The following SAXO1 variants were observed in gnomAD, a reference collection of about 807,000 sequenced individuals.
SAXO1 encodes stabilizer of axonemal microtubules 1.
In SAXO1, 21 loss-of-function variants were observed where a neutral mutation model predicts 17.5. That is an observed-to-expected ratio of 1.20 (90% confidence interval 0.85 to 1.72). SAXO1 has a LOEUF of 1.72. Among genes scored for constraint, SAXO1 ranks in the 40% most tolerant of loss-of-function variants. The pLI, the probability that SAXO1 is intolerant of heterozygous loss-of-function variation, is 0.00. For missense variants in SAXO1, 843 were observed against 596.0 expected (o/e 1.41, Z -4.32); for synonymous variants, 274 against 216.5 (o/e 1.27, Z -2.33).
upstream of SAXO1, among the ~76,000 whole-genome samples, chr9:19,035,808 T>C (rs1024786215): frequency 6.6e-6 from 1 of 152,196 alleles, no homozygotes; most frequent in African/African-American, 2.4e-5. Context: ...TAGAGATCTA[T>C]GGAAGTTTGA....
intron 2 of SAXO1, chr9:18,947,860 T>C (rs547436442): frequency 2.0e-5 from 3 of 152,336 alleles, no homozygotes; most frequent in African/African-American, 7.2e-5. Context: ...GCAGTTATAA[T>C]CATGCCTCAC....
chr9:18,986,348 T>A (rs1833593795), intron 1 of SAXO1, among the ~76,000 whole-genome samples: 1 of 152,260 alleles, frequency 6.6e-6, no homozygotes. Context: ...ACCCTTAGAA[T>A]ATTCCATTGA....
At chr9:18,999,582 G>A (rs1437947221) in intron 1 of SAXO1, among the ~76,000 whole-genome samples, 1 of 148,434 alleles carries the variant, frequency 6.7e-6, no homozygotes, top group Admixed American at 6.7e-5. Flanking sequence ...CACACCATCT[G>A]GGAAGTGAGG....
intron 1 of SAXO1, chr9:19,027,305 C>T (rs917267889): frequency 2.4e-6 from 2 of 830,842 alleles, no homozygotes; most frequent in African/African-American, 3.3e-5. Context: ...TGGGTGTGAA[C>T]AAAGACTCCT....
At chr9:19,032,091 T>C (rs1430212377) in intron 1 of SAXO1, among the ~76,000 whole-genome samples, 2 of 152,138 alleles carry the variant, frequency 1.3e-5, no homozygotes, top group Non-Finnish European at 2.9e-5. Flanking sequence ...TAGTTACCAA[T>C]CTAAGATCCC....
intron 1 of SAXO1, among the ~76,000 whole-genome samples, chr9:18,958,913 A>C (rs1832366742): frequency 6.6e-6 from 1 of 152,242 alleles, no homozygotes; most frequent in South Asian, 2.1e-4. Context: ...CGTATTTGCG[A>C]AGAAGGAAAA....
chr9:19,017,612 C>G (rs1563983909), intron 1 of SAXO1, among the ~76,000 whole-genome samples: 2 of 152,208 alleles, frequency 1.3e-5, no homozygotes, highest in Non-Finnish European at 2.9e-5. Flanking sequence ...CCAACCTTGC[C>G]TCTCCACACT....
At chr9:18,982,603 T>C in intron 1 of SAXO1, among the ~76,000 whole-genome samples, 1 of 152,190 alleles carries the variant, frequency 6.6e-6, no homozygotes, top group East Asian at 1.9e-4. Flanking sequence ...ACTTTGTATA[T>C]AACGTCAGTT....
At chr9:19,015,827 A>G (rs62560440) in intron 1 of SAXO1, among the ~76,000 whole-genome samples, 6,325 of 152,020 alleles carry the variant, frequency 0.042, 158 homozygotes, top group Non-Finnish European at 0.058. Context: ...TGAGGTTGAC[A>G]CTCAATGAAG....
intron 1 of SAXO1, among the ~76,000 whole-genome samples, chr9:19,044,730 G>C (rs566284424): frequency 6.6e-6 from 1 of 151,962 alleles, no homozygotes; most frequent in Non-Finnish European, 1.5e-5. Flanking sequence ...GGGTGTGGTG[G>C]CGGGCGCCTG....
chr9:18,945,013 C>T (rs1160234433), intron 2 of SAXO1, among the ~76,000 whole-genome samples: 2 of 152,198 alleles, frequency 1.3e-5, no homozygotes, highest in Non-Finnish European at 2.9e-5. Context: ...ATCTCATCTG[C>T]AGACCATCTC....
In SAXO1 at chr9:18,993,901, C is replaced by G. The variant is rs116051924; in HGVS notation, c.38+38970G>C. 8.1e-3 allele frequency among the ~76,000 whole-genome samples: 1,236 copies of G among 152,270 alleles called. 18 individuals are homozygous for G. The highest frequency in any genetic ancestry group is 0.028 in the African/African-American group (1,167 of 41,538). On this transcript the variant is annotated intron_variant, in intron 1 of 3. Transcript: ENST00000380534. ...AAGTCCAGAATCCTAACCCCCAACT[C>G]AGCTGAAATACCAAAGGTCTTGGTA... is the stretch of plus-strand genomic sequence containing the variant.
Position 18,928,959 on chromosome 9 carries a change from T to A in SAXO1, c.518A>T (p.His173Leu). Residue 173 changes from histidine to leucine, a missense_variant, in exon 4 of 4, where the codon CAC (histidine) becomes CTC (leucine). Transcript: ENST00000380534. ...ASVRFDNRTT[H>L]QDDYPIKGLV... ...GCCTTTTATGGGGTAATCGTCCTGG[T>A]GTGTGGTTCTGTTATCAAACCTGAC... 1 of 1,614,196 alleles carries A rather than the reference T, an allele frequency of 6.2e-7. No homozygotes were observed. The highest frequency in any genetic ancestry group is 8.5e-7 in the Non-Finnish European group (1 of 1,180,028).
In SAXO1 at chr9:19,018,389, G is replaced by A. The variant is rs192359415; in HGVS notation, c.38+14482C>T. ...TTTCAGGAACTGCCATCGTTGGCAG[G>A]AAGGTGCAAAGAAGGCTTCCAAGAC... On this transcript the variant is annotated intron_variant, in intron 1 of 3. Coordinates refer to ENST00000380534, the MANE Select transcript of SAXO1 (RefSeq NM_153707.4). 3.3e-5 allele frequency among the ~76,000 whole-genome samples: 5 copies of A among 152,298 alleles called. No individual in the cohort carries two copies. In the East Asian group the frequency reaches 7.7e-4, roughly 23 times the overall value.
At position 18,967,211 on chromosome 9, in the gene SAXO1, G is replaced by C. The variant is rs183257782; in HGVS notation, c.39-16274C>G. Among the ~76,000 whole-genome samples the C allele has an allele frequency of 1.1e-3, 161 of 152,326 alleles. 1 individual carries two copies. Among genetic ancestry groups the C allele is most frequent in the Admixed American group, 9.7e-3 (148 of 15,314 alleles). On this transcript the variant is annotated intron_variant, in intron 1 of 3. Coordinates refer to ENST00000380534, the MANE Select transcript of SAXO1 (RefSeq NM_153707.4). ...CTGCTGGGAGGTGTCTCCCAGCCAG[G>C]AGGCCTGGGGGTCAGGGACCCACTT...
chr9:19,044,052 G>A (rs945493887), intron 1 of SAXO1, among the ~76,000 whole-genome samples: 1 of 151,608 alleles, frequency 6.6e-6, no homozygotes, highest in African/African-American at 2.4e-5. Context: ...GGCTGAGGCA[G>A]GAGAATCACT....
intron 1 of SAXO1, among the ~76,000 whole-genome samples, chr9:19,007,591 G>A (rs990585203): frequency 1.3e-5 from 2 of 152,092 alleles, no homozygotes; most frequent in Admixed American, 6.6e-5. Context: ...CTTCTGTTTA[G>A]AACAGCAAAA....
At position 18,995,632 on chromosome 9, in the gene SAXO1, G is replaced by A. The variant is rs141354580; in HGVS notation, c.38+37239C>T. ...TCACTTCCAGGGACAAAGTCCCCAA[G>A]CCTGATGAATCTATTCACAGAATCT... On this transcript the variant is annotated intron_variant, in intron 1 of 3. Transcript: ENST00000380534. 2.3e-3 allele frequency among the ~76,000 whole-genome samples: 343 copies of A among 152,274 alleles called. 2 individuals are homozygous for A. Among genetic ancestry groups the A allele is most frequent in the African/African-American group, 7.7e-3 (321 of 41,556 alleles).
chr9:18,930,143 G>C (rs1571227), intron 3 of SAXO1, among the ~76,000 whole-genome samples: 94,947 of 152,072 alleles, frequency 0.62, 30,367 homozygotes, highest in Middle Eastern at 0.81. Flanking sequence ...TTTATTTCCA[G>C]ATGGAGTAAA....
Sources: allele counts gnomAD v4.1 joint callset (sites outside exome capture counted in the v4.1 genomes callset), GRCh38; gene constraint gnomAD v4.1.1; transcripts MANE v1.5; gene names NCBI Gene and HGNC (gene_info 2026-07-23, HGNC 2026-07-21).